Variants in GALNT14 observed in about 807,000 individuals in gnomAD.
GALNT14 encodes the protein UDP-GalNAc:polypeptide N-acetylgalactosaminyltransferase 14.
Under a neutral mutation model 77.5 loss-of-function variants are expected in GALNT14, and 60 were observed. That is an observed-to-expected ratio of 0.77 (90% CI 0.63 to 0.96). GALNT14 has a LOEUF of 0.96. Ranked by LOEUF, GALNT14 falls within the 40% of genes least tolerant of loss-of-function variation. GALNT14 has a pLI of 0.00. For missense variants in GALNT14, 710 were observed against 731.0 expected, an observed-to-expected ratio of 0.97 and a Z score of 0.33; for synonymous variants, 280 against 281.7, an observed-to-expected ratio of 0.99 and a Z score of 0.06.
chr2:30,987,360 G>A lies in GALNT14; in HGVS notation c.299+5478C>T, dbSNP rs1669362452. 2.0e-5 allele frequency among the ~76,000 whole-genome samples: 3 copies of A among 152,158 alleles called. 1 individual carries two copies. In the South Asian group the frequency reaches 6.2e-4, roughly 32 times the overall value. On this transcript the variant is annotated intron_variant, in intron 2 of 14. Transcript: ENST00000349752. The stretch of plus-strand genomic sequence containing the variant: ...ACTTACCTTTTGAGCCATACTGGAT[G>A]TAGCATCACTCAGTGCCCACTGCCA...
intron 1 of GALNT14, among the ~76,000 whole-genome samples, chr2:31,123,991 A>G (rs1001004984): frequency 1.8e-4 from 27 of 152,308 alleles, no homozygotes; most frequent in African/African-American, 5.8e-4. Context: ...AGAAGTGGTG[A>G]GGGAGGGGCC....
chr2:30,975,120 G>A (rs1668560703), intron 2 of GALNT14, among the ~76,000 whole-genome samples: 2 of 152,214 alleles, frequency 1.3e-5, no homozygotes, highest in South Asian at 4.1e-4. Flanking sequence ...GGGGGCTGGC[G>A]ATAAGAAGCC....
chr2:31,124,049 C>T (rs897651387), intron 1 of GALNT14, among the ~76,000 whole-genome samples: 2 of 152,186 alleles, frequency 1.3e-5, no homozygotes, highest in African/African-American at 4.8e-5. Context: ...GAATTCACCC[C>T]CGCTTCCTAC....
At chr2:30,976,352 T>C (rs907302566) in intron 2 of GALNT14, among the ~76,000 whole-genome samples, 1 of 152,186 alleles carries the variant, frequency 6.6e-6, no homozygotes, top group African/African-American at 2.4e-5. Flanking sequence ...CTCCTAGAAA[T>C]GGCCATTACT....
At chr2:31,082,231 AC>A (rs1290032177) in intron 1 of GALNT14, among the ~76,000 whole-genome samples, 1 of 152,270 alleles carries the variant, frequency 6.6e-6, no homozygotes, top group African/African-American at 2.4e-5. Context: ...TTCCTGACCT[AC>A]AGATAACACA....
intron 1 of GALNT14, among the ~76,000 whole-genome samples, chr2:31,033,696 CGAGT>C (rs1672549145): frequency 6.6e-6 from 1 of 152,096 alleles, no homozygotes; most frequent in Non-Finnish European, 1.5e-5. Context: ...ACTTCTCCAG[CGAGT>C]GAGTCTTTGT....
At chr2:30,941,265 A>T in intron 9 of GALNT14, among the ~76,000 whole-genome samples, 1 of 152,138 alleles carries the variant, frequency 6.6e-6, no homozygotes, top group Non-Finnish European at 1.5e-5. Flanking sequence ...ATAGTTACAG[A>T]GGGCCTCCTA....
chr2:30,938,378 A>T (rs1421864414), intron 9 of GALNT14, among the ~76,000 whole-genome samples: 3 of 146,252 alleles, frequency 2.1e-5, no homozygotes, highest in African/African-American at 8.3e-5. Context: ...ACACACACAC[A>T]CACACACTCT....
At position 30,944,880 on chromosome 2, in the gene GALNT14, G is replaced by A. The variant is rs748784694; in HGVS notation, c.805C>T (p.Leu269=). 2.5e-6 allele frequency: 4 copies of A among 1,610,356 alleles called. No homozygotes were observed. In the Admixed American group the frequency reaches 5.0e-5, roughly 20 times the overall value. ...QLSPEQKARR[L]DPTEPIRTPI... ...TACCTGATGGGCTCCGTGGGGTCCAGGCGCCGAGCCTTCTGCTCTGGGGAG... is the reference window on the plus strand; with the variant it reads ...TACCTGATGGGCTCCGTGGGGTCCAAGCGCCGAGCCTTCTGCTCTGGGGAG... Residue 269 remains leucine, a synonymous_variant, in exon 8 of 15, where the codon CTG becomes TTG. Coordinates refer to ENST00000349752, the MANE Select transcript of GALNT14 (RefSeq NM_024572.4).
intron 1 of GALNT14, among the ~76,000 whole-genome samples, chr2:31,060,374 C>A (rs1231845240): frequency 1.3e-5 from 2 of 152,150 alleles, no homozygotes; most frequent in African/African-American, 4.8e-5. Flanking sequence ...CAGAACAAGC[C>A]CTATTTAACT....
chr2:31,072,531 T>C (rs184425169), intron 1 of GALNT14, among the ~76,000 whole-genome samples: 1 of 152,202 alleles, frequency 6.6e-6, no homozygotes, highest in Admixed American at 6.5e-5. Flanking sequence ...GCTTGGAAAA[T>C]TCTGCCTTCC....
In GALNT14 at chr2:30,916,370, C is replaced by G. The variant is rs972145098; in HGVS notation, c.1381-4028G>C. Among the ~76,000 whole-genome samples the G allele has an allele frequency of 5.3e-4, 80 of 152,210 alleles. 1 individual carries two copies. The highest frequency in any genetic ancestry group is 2.9e-3 in the Admixed American group (44 of 15,288). Reference sequence around the variant, plus strand: ...GTTCATCTGCATCTCATTATTGGGCCATGAGAATAAGCAGCTCAACCCTCG... The same window carrying G: ...GTTCATCTGCATCTCATTATTGGGCGATGAGAATAAGCAGCTCAACCCTCG... On this transcript the variant is annotated intron_variant, in intron 13 of 14. Transcript: ENST00000349752.
rs1664836778 is a variant in GALNT14 at position 30,918,650 on chromosome 2, G to A, written c.1380+5469C>T. On this transcript the variant is annotated intron_variant, in intron 13 of 14. Transcript: ENST00000349752. ...GGGCAGGGAGGGTGGCATTGGGCAG[G>A]GAGGATGGCATCGGGCAGGGAGGGT... Among the ~76,000 whole-genome samples the A allele has an allele frequency of 3.1e-5, 4 of 127,168 alleles. No individual in the cohort carries two copies. In the South Asian group the frequency reaches 6.9e-4, roughly 22 times the overall value. 83.4% of individuals were successfully genotyped at this position (127,168 alleles called of 152,430 possible).
intron 1 of GALNT14, among the ~76,000 whole-genome samples, chr2:31,022,768 C>T (rs1671800997): frequency 6.6e-6 from 1 of 152,162 alleles, no homozygotes; most frequent in South Asian, 2.1e-4. Context: ...AAACAATAGG[C>T]AATGTTAAAC....
chr2:30,913,007 C>T (rs1012987939), intron 13 of GALNT14, among the ~76,000 whole-genome samples: 2 of 152,032 alleles, frequency 1.3e-5, no homozygotes, highest in African/African-American at 4.8e-5. Context: ...GGGAGCGAAG[C>T]TGAGAAATTG....
At chr2:31,119,830 A>G (rs530223321) in intron 1 of GALNT14, among the ~76,000 whole-genome samples, 113 of 152,356 alleles carry the variant, frequency 7.4e-4, no homozygotes, top group African/African-American at 2.5e-3. Flanking sequence ...AATAAGTTAC[A>G]TCCACACTGC....
intron 13 of GALNT14, among the ~76,000 whole-genome samples, chr2:30,917,287 T>A (rs559971946): frequency 3.2e-4 from 49 of 151,482 alleles, no homozygotes; most frequent in African/African-American, 1.2e-3. Flanking sequence ...GGTGAAGGAG[T>A]GTTTCTAGCC....
At chr2:31,078,700 G>A (rs929143464) in intron 1 of GALNT14, among the ~76,000 whole-genome samples, 4 of 152,200 alleles carry the variant, frequency 2.6e-5, no homozygotes, top group South Asian at 2.1e-4. Flanking sequence ...GGGCCACACC[G>A]CATGCTCAGG....
intron 8 of GALNT14, among the ~76,000 whole-genome samples, chr2:30,943,468 T>C (rs987445714): frequency 6.6e-6 from 1 of 152,190 alleles, no homozygotes; most frequent in Non-Finnish European, 1.5e-5. Context: ...TGCTGCCACA[T>C]CCTGCTGTTT....
Sources: gnomAD v4.1 joint callset for allele counts (sites outside exome capture counted in the v4.1 genomes callset) on GRCh38, gnomAD v4.1.1 for gene constraint, MANE v1.5 for transcripts, NCBI Gene and HGNC (gene_info 2026-07-23, HGNC 2026-07-21) for gene names.